Variants in TTYH1 observed in about 807,000 individuals in gnomAD.
TTYH1 encodes the protein tweety family member 1.
TTYH1 carries 33 observed loss-of-function variants against 61.2 expected under a neutral mutation model. The observed-to-expected ratio is 0.54, with a 90% CI of 0.41 to 0.72. TTYH1 has a LOEUF of 0.72. Ranked by LOEUF, TTYH1 falls within the 30% of genes least tolerant of loss-of-function variation. The probability of loss-of-function intolerance (pLI) is 0.00; values close to 1 mark genes in which losing one functional copy is unlikely to be tolerated. For synonymous variants in TTYH1, 308 were observed against 266.4 expected (o/e 1.16, Z -1.52); for missense variants, 538 against 575.8 (o/e 0.93, Z 0.67).
Position 54,430,914 on chromosome 19 carries a change from G to T in TTYH1, c.1032+9G>T. On this transcript the variant is annotated intron_variant, in intron 9 of 13. Coordinates refer to ENST00000376530, the MANE Select transcript of TTYH1 (RefSeq NM_020659.4). Reference sequence around the variant, plus strand: ...AGTTCCCTTCAGCGCAGGTCGGTGGGTGGGCGCTCCCCAGACACGCGGACC... The same window carrying T: ...AGTTCCCTTCAGCGCAGGTCGGTGGTTGGGCGCTCCCCAGACACGCGGACC... 1 of 1,611,464 alleles carries T rather than the reference G, an allele frequency of 6.2e-7. No homozygotes were observed. The highest frequency in any genetic ancestry group is 1.1e-5 in the South Asian group (1 of 91,046).
In TTYH1 at chr19:54,430,848, C is replaced by T. The variant is rs775419826; in HGVS notation, c.975C>T (p.Ile325=). The T allele has an allele frequency of 1.7e-5, 27 of 1,613,954 alleles. No homozygotes were observed. Among genetic ancestry groups the T allele is most frequent in the South Asian group, 1.6e-4 (15 of 91,080 alleles). ...LTLSQRALAN[I]HSQLLGLERE... is the part of the protein sequence containing the mutation. ...TGTCCCAGCGAGCTCTGGCCAACAT[C>T]CACTCCCAGCTGCTGGGCCTGGAGC... Residue 325 remains isoleucine (I), a synonymous_variant, in exon 9 of 14, where the codon ATC becomes ATT. Coordinates refer to ENST00000376530, the MANE Select transcript of TTYH1 (RefSeq NM_020659.4).
intron 10 of TTYH1, chr19:54,433,170 A>G (rs941368894): frequency 6.6e-6 from 1 of 152,228 alleles, no homozygotes; most frequent in Non-Finnish European, 1.5e-5. Context: ...GGAAGAGGAC[A>G]GATCACTCTA....
intron 4 of TTYH1, among the ~76,000 whole-genome samples, chr19:54,425,904 C>T (rs775275657): frequency 1.7e-4 from 26 of 151,928 alleles, no homozygotes; most frequent in Non-Finnish European, 3.4e-4. Context: ...TTAGTAAAGA[C>T]GGGGTTTCAC....
At position 54,416,557 on chromosome 19, in the gene TTYH1, G is replaced by C; in HGVS notation, c.126+879G>C. 1 of 347,656 alleles carries C rather than the reference G, an allele frequency of 2.9e-6. No homozygotes were observed. Among genetic ancestry groups the C allele is most frequent in the Non-Finnish European group, 5.4e-6 (1 of 184,248 alleles). 21.5% of individuals were successfully genotyped at this position (347,656 alleles called of 1,614,324 possible). The stretch of plus-strand genomic sequence containing the variant: ...TGGCCCCAGGACGGGTCCTGGCCCT[G>C]CTGATGGGGCCTGAGCCCCTGGGCT... On this transcript the variant is annotated intron_variant, in intron 1 of 13. Transcript: ENST00000376530. The surrounding 1 kb of genome is among the most constrained non-coding windows in gnomAD (Gnocchi z 7.0).
In TTYH1 at chr19:54,429,422, G is replaced by A; in HGVS notation, c.807+43G>A. On this transcript the variant is annotated intron_variant, in intron 6 of 13. Transcript: ENST00000376530. The surrounding 1 kb of genome is among the most constrained non-coding windows in gnomAD (Gnocchi z 5.1). ...GCCATTGGGCTCTGGGACTCAGGGGGCCTGGAGACTTCAACTTCTGGATCT... is the reference window on the plus strand; with the variant it reads ...GCCATTGGGCTCTGGGACTCAGGGGACCTGGAGACTTCAACTTCTGGATCT... 1 of 1,572,972 alleles carries A rather than the reference G, an allele frequency of 6.4e-7. No individual in the cohort carries two copies. Among genetic ancestry groups the A allele is most frequent in the Non-Finnish European group, 8.7e-7 (1 of 1,145,692 alleles).
At chr19:54,433,876 G>C (rs751494468) in intron 10 of TTYH1, among the ~76,000 whole-genome samples, 25 of 152,108 alleles carry the variant, frequency 1.6e-4, no homozygotes, top group Non-Finnish European at 3.5e-4. Context: ...TTCCACCATT[G>C]CAAGAGGCGG....
rs372637498 is a variant in TTYH1 at position 54,435,694 on chromosome 19, G to C, written c.1268+10G>C. ...CCCTCTTCCCACCCAGGTCAGGAGC[G>C]GGGGAGGGTAGGGTCCTGGGGAGGG... On this transcript the variant is annotated intron_variant, in intron 11 of 13. Transcript: ENST00000376530. The C allele has an allele frequency of 2.1e-5, 33 of 1,608,248 alleles. No homozygotes were observed. Among genetic ancestry groups the C allele is most frequent in the Admixed American group, 1.2e-4 (7 of 59,798 alleles).
At chr19:54,428,209 C>T (rs2083369348) in intron 5 of TTYH1, among the ~76,000 whole-genome samples, 1 of 150,334 alleles carries the variant, frequency 6.7e-6, no homozygotes, top group Non-Finnish European at 1.5e-5. Flanking sequence ...CCTGCTTCAG[C>T]CTCCCAAGTA....
At position 54,435,855 on chromosome 19, in the gene TTYH1, C is replaced by T. The variant is rs760407661; in HGVS notation, c.1296C>T (p.Asp432=). The change falls in exon 12 of 14, where the codon GAC becomes GAT. Residue 432 remains aspartate, a synonymous_variant. Coordinates refer to ENST00000376530, the MANE Select transcript of TTYH1 (RefSeq NM_020659.4). ...ACGACTACGATGACACAGACGATGA[C>T]GACCCTTTCAACCCTCAGGTACTGG... The part of the protein sequence containing the change: ...PSDDYDDTDD[D]DPFNPQESKR... 53 of 1,612,818 alleles carry T rather than the reference C, an allele frequency of 3.3e-5. No individual in the cohort carries two copies. The highest frequency in any genetic ancestry group is 2.0e-4 in the African/African-American group (15 of 74,884).
rs1268057348 is a variant in TTYH1 at position 54,436,105 on chromosome 19, T to C, written c.1329T>C (p.Phe443=). The change falls in exon 13 of 14, where the codon TTT becomes TTC. Residue 443 remains phenylalanine, a synonymous_variant. Coordinates refer to ENST00000376530, the MANE Select transcript of TTYH1 (RefSeq NM_020659.4). This position sits in a 1 kb window ranked among gnomAD's most constrained non-coding sequence, Gnocchi z 4.3. ...TCTCCTAGCAGGAATCCAAGCGCTTTGTGCAGTGGCAGTCGTCTATCTGAG... is the reference window on the plus strand; with the variant it reads ...TCTCCTAGCAGGAATCCAAGCGCTTCGTGCAGTGGCAGTCGTCTATCTGAG... ...DPFNPQESKR[F]VQWQSSI 1.2e-6 allele frequency: 2 copies of C among 1,614,116 alleles called. No individual in the cohort carries two copies. The highest frequency in any genetic ancestry group is 3.3e-5 in the Admixed American group (2 of 60,008).
intron 4 of TTYH1, among the ~76,000 whole-genome samples, chr19:54,426,192 C>G (rs941733715): frequency 6.6e-6 from 1 of 152,186 alleles, no homozygotes; most frequent in African/African-American, 2.4e-5. Flanking sequence ...AACTGAGGAA[C>G]GAGAGGCTAA....
chr19:54,432,382 A>T (rs2083460224), intron 10 of TTYH1: 1 of 152,212 alleles, frequency 6.6e-6, no homozygotes, highest in Non-Finnish European at 1.5e-5. Context: ...GCCTCATAAC[A>T]ATGCTATGAA....
rs1261101271 is a variant in TTYH1, at chr19:54,416,110, C to T, written c.126+432C>T. 1.5e-6 allele frequency: 2 copies of T among 1,296,972 alleles called. No homozygotes were observed. Among genetic ancestry groups the T allele is most frequent in the South Asian group, 2.5e-5 (2 of 80,572 alleles). 80.3% of individuals were successfully genotyped at this position (1,296,972 alleles called of 1,614,324 possible). On this transcript the variant is annotated intron_variant, in intron 1 of 13. Coordinates refer to ENST00000376530, the MANE Select transcript of TTYH1 (RefSeq NM_020659.4). This position sits in a 1 kb window ranked among gnomAD's most constrained non-coding sequence, Gnocchi z 7.0. ...AGGTGGGACCCAGGAGACAGCGGAC[C>T]TGATAACGGTGGCGGGGAAAACGCT...
At chr19:54,424,048 C>T (rs1048551830) in intron 4 of TTYH1, among the ~76,000 whole-genome samples, 5 of 151,934 alleles carry the variant, frequency 3.3e-5, no homozygotes, top group Non-Finnish European at 7.4e-5. Flanking sequence ...GTAGTCCCAG[C>T]TACTTGGGAG....
Position 54,419,119 on chromosome 19 carries a change from C to T in TTYH1, c.127-9C>T, listed in dbSNP as rs1016826750. ...GCCCTCGGAGGTCTGATGTCACCCC[C>T]TTCCCCAGGCCTTGTTGCTGGTGGC... On this transcript the variant is annotated splice_polypyrimidine_tract_variant and intron_variant, in intron 1 of 13. Transcript: ENST00000376530. The surrounding 1 kb of genome is among the most constrained non-coding windows in gnomAD (Gnocchi z 6.1). The T allele has an allele frequency of 1.1e-5, 18 of 1,606,378 alleles. No homozygotes were observed. Among genetic ancestry groups the T allele is most frequent in the East Asian group, 2.2e-5 (1 of 44,786 alleles).
Position 54,429,865 on chromosome 19 carries a change from T to A in TTYH1, c.808-17T>A. 1 of 1,613,160 alleles carries A rather than the reference T, an allele frequency of 6.2e-7. No homozygotes were observed. The highest frequency in any genetic ancestry group is 8.5e-7 in the Non-Finnish European group (1 of 1,179,450). On this transcript the variant is annotated splice_polypyrimidine_tract_variant and intron_variant, in intron 6 of 13. Transcript: ENST00000376530. The surrounding 1 kb of genome is among the most constrained non-coding windows in gnomAD (Gnocchi z 5.1). ...GGCAGTTTTGGGTTTGAGCCCCTTT[T>A]CTGCTGCCTCACGCAGGGCCTCAGT...
At position 54,436,549 on chromosome 19, in the gene TTYH1, A is replaced by G. The variant is rs992496792; in HGVS notation, c.*259A>G. On this transcript the variant is annotated 3_prime_UTR_variant, in exon 14 of 14. Coordinates refer to ENST00000376530, the MANE Select transcript of TTYH1 (RefSeq NM_020659.4). The surrounding 1 kb of genome is among the most constrained non-coding windows in gnomAD (Gnocchi z 4.3). Reference sequence around the variant, plus strand: ...CAGACAGCCTCGCCTCGCACCCTTCATCCCTGGCTGCCGGTCCCATCCTTG... The same window carrying G: ...CAGACAGCCTCGCCTCGCACCCTTCGTCCCTGGCTGCCGGTCCCATCCTTG... The G allele has an allele frequency of 4.5e-6, 3 of 667,174 alleles. No homozygotes were observed. The highest frequency in any genetic ancestry group is 5.0e-5 in the Admixed American group (2 of 40,318). The allele number at this position is 667,174 out of a possible 1,614,324, so 41.3% of individuals were successfully genotyped here.
Position 54,419,383 on chromosome 19 carries a change from TC to T in TTYH1, c.305+79del. On this transcript the variant is annotated intron_variant, in intron 2 of 13. Transcript: ENST00000376530. This position sits in a 1 kb window ranked among gnomAD's most constrained non-coding sequence, Gnocchi z 6.1. ...TTTGCTGGCCTTCCTGGGGGTGTCC[TC>T]CGGGGACATGGAGGAAGCAGACAGG... 1 of 1,430,784 alleles carries T rather than the reference TC, an allele frequency of 7.0e-7. No individual in the cohort carries two copies. Among genetic ancestry groups the T allele is most frequent in the Non-Finnish European group, 9.5e-7 (1 of 1,047,646 alleles). The allele number at this position is 1,430,784 out of a possible 1,614,324, so 88.6% of individuals were successfully genotyped here.
Position 54,423,666 on chromosome 19 carries a change from G to T in TTYH1, c.638+1256G>T, listed in dbSNP as rs138094236. On this transcript the variant is annotated intron_variant, in intron 4 of 13. Coordinates refer to ENST00000376530, the MANE Select transcript of TTYH1 (RefSeq NM_020659.4). Reference sequence around the variant, plus strand: ...TTGTTGAATTGGTTCGAGTTGTTGAGTTGGCATCTGAGTGCTGAGAAGGAC... The same window carrying T: ...TTGTTGAATTGGTTCGAGTTGTTGATTTGGCATCTGAGTGCTGAGAAGGAC... 3.0e-3 allele frequency among the ~76,000 whole-genome samples: 463 copies of T among 152,292 alleles called. 5 individuals carry two copies. The highest frequency in any genetic ancestry group is 0.01 in the African/African-American group (436 of 41,566).
Sources: gnomAD v4.1 joint callset for allele counts (sites outside exome capture counted in the v4.1 genomes callset) on GRCh38, gnomAD v4.1.1 for gene constraint, Gnocchi (gnomAD v3.1) non-coding constraint, MANE v1.5 for transcripts, NCBI Gene and HGNC (gene_info 2026-07-23, HGNC 2026-07-21) for gene names.